Variants in RABGEF1 observed in about 807,000 individuals in gnomAD.
RABGEF1 encodes the protein rab5 GDP/GTP exchange factor.
RABGEF1 carries 26 observed loss-of-function variants against 57.3 expected under a neutral mutation model. The ratio of observed to expected loss-of-function variants is 0.45; its 90% confidence interval spans 0.33 to 0.63. The LOEUF (loss-of-function observed/expected upper bound fraction) is 0.63, where lower values mean the gene tolerates loss of function less well. RABGEF1 is among the 20% of genes least tolerant of loss of function. The probability of loss-of-function intolerance (pLI) is 0.02; values close to 1 mark genes in which losing one functional copy is unlikely to be tolerated. For synonymous variants in RABGEF1, 185 were observed against 210.7 expected (o/e 0.88, Z 1.06); for missense variants, 464 against 607.6 (o/e 0.76, Z 2.48).
At chr7:66,665,784 T>C in the RABGEF1 span, among the ~76,000 whole-genome samples, 8 of 152,212 alleles carry the variant, frequency 5.3e-5, no homozygotes, top group Admixed American at 6.5e-5. Flanking sequence ...TGGCCTGTCC[T>C]GCTCAGCCAG....
intron 1 of RABGEF1, among the ~76,000 whole-genome samples, chr7:66,686,700 TG>T (rs1368763985): frequency 6.6e-6 from 1 of 152,226 alleles, no homozygotes; most frequent in African/African-American, 2.4e-5. Flanking sequence ...CCTAAAATGC[TG>T]TAGGAAAACA....
intron 1 of RABGEF1, among the ~76,000 whole-genome samples, chr7:66,689,775 C>T (rs1791237913): frequency 6.6e-6 from 1 of 150,740 alleles, no homozygotes. Context: ...GCACTCCAGC[C>T]TGGGGGATGA....
intron 1 of RABGEF1, among the ~76,000 whole-genome samples, chr7:66,706,162 A>G (rs2117320741): frequency 1.3e-5 from 2 of 151,710 alleles, no homozygotes; most frequent in East Asian, 3.9e-4. Flanking sequence ...TCGGCCTCGC[A>G]AAGTCCTGGG....
intron 1 of RABGEF1, among the ~76,000 whole-genome samples, chr7:66,744,421 T>C (rs1799723504): frequency 1.3e-5 from 2 of 149,298 alleles, no homozygotes; most frequent in African/African-American, 4.9e-5. Flanking sequence ...GTAATCCCAG[T>C]ACTTTGGGAG....
intron 1 of RABGEF1, among the ~76,000 whole-genome samples, chr7:66,692,620 C>T (rs1791684195): frequency 6.6e-6 from 1 of 152,144 alleles, no homozygotes; most frequent in African/African-American, 2.4e-5. Flanking sequence ...GCCGAGCAGT[C>T]CAGCCCCTCC....
At chr7:66,686,264 AAGTGAGACTCTGTCT>A (rs1790612864) in intron 1 of RABGEF1, among the ~76,000 whole-genome samples, 1 of 151,546 alleles carries the variant, frequency 6.6e-6, no homozygotes, top group Non-Finnish European at 1.5e-5. Flanking sequence ...CTGGGCAACA[AAGTGAGACTCTGTCT>A]CAAAAAAAAA....
intron 6 of RABGEF1, 45 bp downstream of exon 6, chr7:66,797,551 G>A (rs756475177): frequency 3.8e-6 from 6 of 1,581,078 alleles, no homozygotes; most frequent in Admixed American, 1.9e-5. Flanking sequence ...ACCTTCTAAT[G>A]GAAGAACACA....
At chr7:66,753,418 A>G (rs1307786407) in intron 1 of RABGEF1, among the ~76,000 whole-genome samples, 1 of 152,194 alleles carries the variant, frequency 6.6e-6, no homozygotes, top group East Asian at 1.9e-4. Flanking sequence ...ATTGGATGGT[A>G]TATTTTTCCC....
chr7:66,661,291 T>C, the RABGEF1 span, among the ~76,000 whole-genome samples: 6 of 65,136 alleles, frequency 9.2e-5, no homozygotes, highest in African/African-American at 1.4e-4. Flanking sequence ...AAAGTGAGAC[T>C]CCATCTCAAA....
At chr7:66,794,298 C>T (rs1462317249) in intron 4 of RABGEF1, among the ~76,000 whole-genome samples, 1 of 132,478 alleles carries the variant, frequency 7.5e-6, no homozygotes, top group African/African-American at 2.8e-5. Flanking sequence ...TCTCCTTTCT[C>T]TCCCCTTTCT....
intron 8 of RABGEF1, among the ~76,000 whole-genome samples, chr7:66,806,259 A>T (rs755914353): frequency 6.6e-6 from 1 of 152,168 alleles, no homozygotes; most frequent in Admixed American, 6.6e-5. Flanking sequence ...TGAATCTCTC[A>T]GTCTCTAAAA....
chr7:66,806,778 G>A (rs141328856), intron 8 of RABGEF1, among the ~76,000 whole-genome samples: 80 of 151,688 alleles, frequency 5.3e-4, no homozygotes, highest in African/African-American at 1.8e-3. Context: ...CAAGTAGCTG[G>A]GATTACAGAT....
chr7:66,662,353 G>T, the RABGEF1 span, among the ~76,000 whole-genome samples: 1 of 152,194 alleles, frequency 6.6e-6, no homozygotes. Context: ...TGTGGTTCCA[G>T]CTACTTGGGA....
At chr7:66,760,506 C>T (rs368123587) in intron 1 of RABGEF1, among the ~76,000 whole-genome samples, 8 of 148,950 alleles carry the variant, frequency 5.4e-5, no homozygotes, top group East Asian at 2.0e-4. Context: ...TGCAATGGCA[C>T]GGCCTCACTT....
chr7:66,728,883 C>G (rs1388816487), intron 2 of RABGEF1, among the ~76,000 whole-genome samples: 1 of 136,968 alleles, frequency 7.3e-6, no homozygotes, highest in Non-Finnish European at 1.6e-5. Context: ...ACTCCACTCT[C>G]ATCTCCAAAC....
In RABGEF1 at chr7:66,809,147, A is replaced by G. The variant is rs780082569; in HGVS notation, c.1339A>G (p.Arg447Gly). 6.2e-7 allele frequency: 1 copy of G among 1,614,268 alleles called. No individual in the cohort carries two copies. Among genetic ancestry groups the G allele is most frequent in the East Asian group, 2.2e-5 (1 of 44,892 alleles). Residue 447 changes from arginine (R) to glycine (G), a missense_variant, in exon 9 of 9, where the codon AGA becomes GGA. Coordinates refer to ENST00000284957, the MANE Select transcript of RABGEF1 (RefSeq NM_014504.3). ...CATAGATTGGACAGATGGAATTGCA[A>G]GAGAAGTTCAAGACATCGTTGAGAA... ...DLIDWTDGIA[R>G]EVQDIVEKYP...
At chr7:66,798,966 G>A (rs188980095) in intron 6 of RABGEF1, among the ~76,000 whole-genome samples, 1 of 152,116 alleles carries the variant, frequency 6.6e-6, no homozygotes, top group Admixed American at 6.6e-5. Context: ...AAAGAAAGAA[G>A]TTGAGGACTG....
At chr7:66,783,630 G>C (rs549007188) in intron 3 of RABGEF1, 45 bp from the exon 4 acceptor site, 3 of 1,502,174 alleles carry the variant, frequency 2.0e-6, no homozygotes, top group South Asian at 2.7e-5. Flanking sequence ...TCCATGCATG[G>C]ATCTTTTATG....
chr7:66,672,565 A>G, the RABGEF1 span, among the ~76,000 whole-genome samples: 3 of 152,364 alleles, frequency 2.0e-5, no homozygotes, highest in South Asian at 6.2e-4. Flanking sequence ...TAGCTGCTGC[A>G]CAGGCTTGTC....
Sources: gnomAD v4.1 joint callset for allele counts (sites outside exome capture counted in the v4.1 genomes callset) on GRCh38, gnomAD v4.1.1 for gene constraint, MANE v1.5 for transcripts, NCBI Gene and HGNC (gene_info 2026-07-23, HGNC 2026-07-21) for gene names.